Variants in DCLK1 observed in about 807,000 individuals in gnomAD.
DCLK1 encodes doublecortin like kinase 1.
A neutral mutation model predicts 86.2 loss-of-function variants in DCLK1; 16 were observed. That is an observed-to-expected ratio of 0.19 (90% CI 0.13 to 0.28). DCLK1 has a LOEUF of 0.28. DCLK1 is among the 10% of genes least tolerant of loss of function. DCLK1 has a pLI of 1.00. For synonymous variants in DCLK1, 369 were observed against 370.5 expected (o/e 1.00, Z 0.05); for missense variants, 590 against 940.2 (o/e 0.63, Z 4.87).
At chr13:35,830,809 C>T (rs1372711520) in intron 8 of DCLK1, among the ~76,000 whole-genome samples, 1 of 152,214 alleles carries the variant, frequency 6.6e-6, no homozygotes, top group Non-Finnish European at 1.5e-5. Flanking sequence ...TCACCACCTC[C>T]ACAAAGGGGA....
intron 3 of DCLK1, among the ~76,000 whole-genome samples, chr13:36,093,260 T>C (rs2084418602): frequency 6.6e-6 from 1 of 152,186 alleles, no homozygotes; most frequent in African/African-American, 2.4e-5. Context: ...ATTTAAGAAG[T>C]CGGTAGGAAT....
At chr13:36,036,877 T>C (rs1165292811) in intron 3 of DCLK1, among the ~76,000 whole-genome samples, 1 of 152,138 alleles carries the variant, frequency 6.6e-6, no homozygotes, top group East Asian at 1.9e-4. Context: ...ATTCCTCTAC[T>C]GGGTGTATAT....
intron 3 of DCLK1, among the ~76,000 whole-genome samples, chr13:36,005,908 C>T (rs533270351): frequency 5.1e-4 from 78 of 152,256 alleles, no homozygotes; most frequent in African/African-American, 1.9e-3. Flanking sequence ...AGCAAACAAA[C>T]ACAGGAACAG....
chr13:35,974,091 T>G (rs1227002312), intron 3 of DCLK1, among the ~76,000 whole-genome samples: 1 of 152,090 alleles, frequency 6.6e-6, no homozygotes, highest in East Asian at 1.9e-4. Context: ...ATAAAACAAA[T>G]AAAACAAAAT....
At chr13:35,945,350 A>G (rs1877317180) in intron 4 of DCLK1, among the ~76,000 whole-genome samples, 1 of 152,148 alleles carries the variant, frequency 6.6e-6, no homozygotes, top group Non-Finnish European at 1.5e-5. Context: ...TAGCTGCGGC[A>G]TCCTGGGTGG....
intron 16 of DCLK1, among the ~76,000 whole-genome samples, chr13:35,792,642 T>C (rs2086728781): frequency 6.6e-6 from 1 of 152,214 alleles, no homozygotes; most frequent in Non-Finnish European, 1.5e-5. Flanking sequence ...GGAACTTGAA[T>C]ATATTTACTC....
At chr13:36,100,660 G>A (rs1593890212) in intron 3 of DCLK1, among the ~76,000 whole-genome samples, 1 of 152,102 alleles carries the variant, frequency 6.6e-6, no homozygotes, top group South Asian at 2.1e-4. Flanking sequence ...CCTGTTAATG[G>A]GGTCGCTGGG....
intron 3 of DCLK1, among the ~76,000 whole-genome samples, chr13:36,014,130 C>T (rs1330583797): frequency 1.3e-5 from 2 of 152,206 alleles, no homozygotes; most frequent in Non-Finnish European, 2.9e-5. Context: ...GTGAGATGAA[C>T]CCGGTACCTC....
intron 3 of DCLK1, among the ~76,000 whole-genome samples, chr13:36,018,885 G>A (rs770091792): frequency 7.2e-5 from 11 of 152,098 alleles, no homozygotes; most frequent in Admixed American, 2.0e-4. Context: ...ATTGTTGATA[G>A]CACTCTCTCT....
At position 35,793,371 on chromosome 13, in the gene DCLK1, T is replaced by C. The variant is rs1158634780; in HGVS notation, c.2053A>G (p.Ile685Val). The C allele has an allele frequency of 6.2e-7, 1 of 1,605,226 alleles. No homozygotes were observed. The change falls in exon 16 of 17, where the codon ATA becomes GTA. Residue 685 changes from isoleucine (I) to valine (V), a missense_variant. Physicochemically the swap from Ile to Val is conservative, Grantham distance 29. This residue lies in a region of DCLK1 where 146 missense variants were observed against 190.2 expected (regional missense o/e 0.77). Coordinates refer to ENST00000360631, the MANE Select transcript of DCLK1 (RefSeq NM_001330071.2). ...PNSTAAGVSV[I>V]ATTALDKERQ... ...TGGATATTTCAGATGCTTACTGCTA[T>C]GACAGAAACTCCAGCTGCTGTGCTA...
At chr13:35,940,287 G>A (rs998593692) in intron 4 of DCLK1, among the ~76,000 whole-genome samples, 8 of 127,182 alleles carry the variant, frequency 6.3e-5, no homozygotes, top group African/African-American at 2.2e-4. Flanking sequence ...GCAAGAGTCC[G>A]TCTCAAAAAA....
intron 6 of DCLK1, chr13:35,850,567 C>T: frequency 8.0e-7 from 1 of 1,257,610 alleles, no homozygotes; most frequent in Non-Finnish European, 1.0e-6. Flanking sequence ...ATCACGAAAA[C>T]AAAATGCATA....
At chr13:35,948,240 T>C (rs1412260009) in intron 3 of DCLK1, among the ~76,000 whole-genome samples, 1 of 152,250 alleles carries the variant, frequency 6.6e-6, no homozygotes, top group Non-Finnish European at 1.5e-5. Flanking sequence ...TATGTAATAT[T>C]TTGTTCACAT....
At chr13:35,784,213 G>A (rs530250120) in intron 16 of DCLK1, among the ~76,000 whole-genome samples, 3 of 152,272 alleles carry the variant, frequency 2.0e-5, no homozygotes, top group East Asian at 3.9e-4. Context: ...AGTCAATCTA[G>A]AATCATCAGG....
chr13:36,055,135 G>A (rs1253159079), intron 3 of DCLK1, among the ~76,000 whole-genome samples: 1 of 152,132 alleles, frequency 6.6e-6, no homozygotes, highest in Non-Finnish European at 1.5e-5. Context: ...CTTTAAGCAT[G>A]GATGGCCAGA....
intron 3 of DCLK1, among the ~76,000 whole-genome samples, chr13:36,075,822 T>A (rs1030913171): frequency 6.6e-6 from 1 of 151,992 alleles, no homozygotes; most frequent in South Asian, 2.1e-4. Context: ...TTTGAGACCA[T>A]CCTGGCCAAC....
At chr13:35,942,280 C>T (rs1291992457) in intron 4 of DCLK1, among the ~76,000 whole-genome samples, 2 of 152,124 alleles carry the variant, frequency 1.3e-5, no homozygotes, top group Admixed American at 6.5e-5. Context: ...GATTCTCCTG[C>T]CTCAGCCTCC....
intron 4 of DCLK1, among the ~76,000 whole-genome samples, chr13:35,919,360 A>C (rs1875644864): frequency 6.6e-6 from 1 of 152,126 alleles, no homozygotes; most frequent in Admixed American, 6.6e-5. Context: ...TGTGGTGTGA[A>C]TTCTATAGCA....
intron 3 of DCLK1, among the ~76,000 whole-genome samples, chr13:36,081,878 C>T (rs1024548211): frequency 3.3e-5 from 5 of 152,148 alleles, no homozygotes; most frequent in African/African-American, 1.2e-4. Flanking sequence ...TTGCTATAGT[C>T]AAGGGGAGTA....
Sources: allele counts gnomAD v4.1 joint callset (sites outside exome capture counted in the v4.1 genomes callset), GRCh38; gene constraint gnomAD v4.1.1; regional missense constraint gnomAD v4.1.1; transcripts MANE v1.5; gene names NCBI Gene and HGNC (gene_info 2026-07-23, HGNC 2026-07-21).